The following CPNE5 variants were observed in gnomAD, a reference collection of about 807,000 sequenced individuals.
The protein encoded by CPNE5 is copine 5.
Under a neutral mutation model 81.1 loss-of-function variants are expected in CPNE5, and 42 were observed. The ratio of observed to expected loss-of-function variants is 0.52; its 90% confidence interval spans 0.40 to 0.67. The LOEUF (loss-of-function observed/expected upper bound fraction) is 0.67. Ranked by LOEUF, CPNE5 falls within the 30% of genes least tolerant of loss-of-function variation. The probability of loss-of-function intolerance (pLI) is 0.00; values close to 1 mark genes in which losing one functional copy is unlikely to be tolerated. For missense variants in CPNE5, 612 were observed against 815.5 expected (o/e 0.75, Z 3.04); for synonymous variants, 313 against 321.5 (o/e 0.97, Z 0.28).
In CPNE5 at chr6:36,748,245, C is replaced by T; in HGVS notation, c.994G>A (p.Ala332Thr). 1.2e-6 allele frequency: 2 copies of T among 1,614,156 alleles called. No individual in the cohort carries two copies. The highest frequency in any genetic ancestry group is 1.7e-6 in the Non-Finnish European group (2 of 1,180,010). ...KGGTQINFTV[A>T]IDFTASNGNP... ...CCATTGGAGGCAGTGAAATCAATGG[C>T]CACAGTGAAGTTGATCTGGGTCCTA... is the stretch of plus-strand genomic sequence containing the variant. The change falls in exon 15 of 21, where the codon GCC (alanine) becomes ACC (threonine). Residue 332 changes from alanine to threonine, a missense_variant. Physicochemically the swap from Ala to Thr is moderately conservative, Grantham distance 58. Coordinates refer to ENST00000244751, the MANE Select transcript of CPNE5 (RefSeq NM_020939.2).
chr6:36,746,628 C>T lies in CPNE5; in HGVS notation c.1019-51G>A. 4 of 1,545,794 alleles carry T rather than the reference C, an allele frequency of 2.6e-6. No homozygotes were observed. Among genetic ancestry groups the T allele is most frequent in the Non-Finnish European group, 3.5e-6 (4 of 1,147,680 alleles). On this transcript the variant is annotated intron_variant, in intron 15 of 20. Coordinates refer to ENST00000244751, the MANE Select transcript of CPNE5 (RefSeq NM_020939.2). The surrounding 1 kb of genome is among the most constrained non-coding windows in gnomAD (Gnocchi z 4.5). ...TGACCATCTGGACCCTCCAAGTCACCCCGGGTTCAGAATGAAGAAGGGGGT... is the reference window on the plus strand; with the variant it reads ...TGACCATCTGGACCCTCCAAGTCACTCCGGGTTCAGAATGAAGAAGGGGGT...
In CPNE5 at chr6:36,778,853, C is replaced by A; in HGVS notation, c.632+1G>T. ...TGCACAAGTGTCCCCAGAAAACTCA[C>A]GTTCCATCCTCGTTGCTTCTGTAGA... On this transcript the variant is annotated splice_donor_variant, in intron 9 of 20. Coordinates refer to ENST00000244751, the MANE Select transcript of CPNE5 (RefSeq NM_020939.2). LOFTEE classifies it high-confidence loss of function. 1 of 1,588,730 alleles carries A rather than the reference C, an allele frequency of 6.3e-7. No homozygotes were observed. The highest frequency in any genetic ancestry group is 8.6e-7 in the Non-Finnish European group (1 of 1,158,018).
intron 3 of CPNE5, among the ~76,000 whole-genome samples, chr6:36,817,906 T>G (rs1339536629): frequency 6.6e-6 from 1 of 152,168 alleles, no homozygotes; most frequent in Non-Finnish European, 1.5e-5. Flanking sequence ...AATGGCTCCC[T>G]CCTATTGCTA....
At chr6:36,787,417 T>G (rs1365832112) in intron 8 of CPNE5, among the ~76,000 whole-genome samples, 1 of 152,052 alleles carries the variant, frequency 6.6e-6, no homozygotes, top group Non-Finnish European at 1.5e-5. Flanking sequence ...GGCTGTTCTG[T>G]CTGCTTGGAC....
In CPNE5 at chr6:36,746,878, A is replaced by G. The variant is rs1582694324; in HGVS notation, c.1019-301T>C. Among the ~76,000 whole-genome samples, 2 of 152,000 alleles carry G rather than the reference A, an allele frequency of 1.3e-5. No homozygotes were observed. Among genetic ancestry groups the G allele is most frequent in the African/African-American group, 2.4e-5 (1 of 41,372 alleles). ...ATCCAGCACAGCAGTGACTGAGCCT[A>G]TCCGCCTCAGAGAGATCATGCCTCT... is the stretch of plus-strand genomic sequence containing the variant. On this transcript the variant is annotated intron_variant, in intron 15 of 20. Coordinates refer to ENST00000244751, the MANE Select transcript of CPNE5 (RefSeq NM_020939.2). This position sits in a 1 kb window ranked among gnomAD's most constrained non-coding sequence, Gnocchi z 4.5.
Position 36,794,617 on chromosome 6 carries a change from C to T in CPNE5, c.437G>A (p.Gly146Asp), listed in dbSNP as rs867034171. 1 of 1,613,954 alleles carries T rather than the reference C, an allele frequency of 6.2e-7. No homozygotes were observed. The highest frequency in any genetic ancestry group is 8.5e-7 in the Non-Finnish European group (1 of 1,179,932). Residue 146 changes from glycine (G) to aspartate (D), a missense_variant, in exon 7 of 21, where the codon GGC (glycine) becomes GAC (aspartate). Transcript: ENST00000244751. ...GTTGGACACAGCTGGCATGGGTTTG[C>T]CCGTCCTGGAATTCAGGCTGAATGC... ...IGAFSLNSRT[G>D]KPMPAVSNGG...
chr6:36,811,079 C>CG (rs558762018), intron 3 of CPNE5, among the ~76,000 whole-genome samples: 2 of 152,180 alleles, frequency 1.3e-5, no homozygotes, highest in Non-Finnish European at 1.5e-5. Flanking sequence ...CCCAGCTCCT[C>CG]GGGGAACGGG....
chr6:36,786,268 T>C (rs77271501), intron 8 of CPNE5, among the ~76,000 whole-genome samples: 2,224 of 152,180 alleles, frequency 0.015, 50 homozygotes, highest in African/African-American at 0.05. Flanking sequence ...CGGGATAGGA[T>C]GGCAGAAGCA....
At chr6:36,749,137 T>C (rs1425907909) in intron 14 of CPNE5, among the ~76,000 whole-genome samples, 1 of 151,940 alleles carries the variant, frequency 6.6e-6, no homozygotes, top group Non-Finnish European at 1.5e-5. Context: ...GGTCTCATTA[T>C]ATTGGCCAAC....
Position 36,837,784 on chromosome 6 carries a change from T to C in CPNE5, c.95+1499A>G, listed in dbSNP as rs182892450. 3.4e-4 allele frequency among the ~76,000 whole-genome samples: 51 copies of C among 151,744 alleles called. 1 individual carries two copies. In the South Asian group the frequency reaches 0.01, roughly 31 times the overall value. On this transcript the variant is annotated intron_variant, in intron 1 of 20. Transcript: ENST00000244751. ...TTCAGAGGCTTGGAGGTGGGAAGGA[T>C]CCCAAGACAACTGAAGATGACAGGC... is the stretch of plus-strand genomic sequence containing the variant.
rs1430033956 is a variant in CPNE5 at position 36,810,310 on chromosome 6, T to A, written c.184-10240A>T. On this transcript the variant is annotated intron_variant, in intron 3 of 20. Transcript: ENST00000244751. ...TGGAGCTGACAGACTGCTGTCTACC[T>A]CACAAGCTGCTCACCCTTCCCCAGC... is the stretch of plus-strand genomic sequence containing the variant. 2.0e-5 allele frequency among the ~76,000 whole-genome samples: 3 copies of A among 152,150 alleles called. No individual in the cohort carries two copies. In the East Asian group the frequency reaches 5.8e-4, roughly 29 times the overall value.
chr6:36,770,587 C>T (rs926730379), intron 10 of CPNE5, among the ~76,000 whole-genome samples: 1 of 152,084 alleles, frequency 6.6e-6, no homozygotes, highest in African/African-American at 2.4e-5. Flanking sequence ...CCGCCCTCCT[C>T]TTAGTTCCCT....
intron 1 of CPNE5, among the ~76,000 whole-genome samples, chr6:36,831,214 C>T (rs1772959678): frequency 6.6e-6 from 1 of 151,510 alleles, no homozygotes; most frequent in Non-Finnish European, 1.5e-5. Flanking sequence ...ACCACCACAC[C>T]CGGCTAATTT....
At chr6:36,802,951 G>T (rs1252705020) in intron 3 of CPNE5, among the ~76,000 whole-genome samples, 2 of 152,072 alleles carry the variant, frequency 1.3e-5, no homozygotes, top group East Asian at 3.9e-4. Flanking sequence ...CCAGATATTT[G>T]GGAGGCTGAG....
At chr6:36,753,254 C>A (rs1765044084) in intron 13 of CPNE5, among the ~76,000 whole-genome samples, 159 bp from the exon 14 acceptor site, 1 of 152,214 alleles carries the variant, frequency 6.6e-6, no homozygotes, top group Non-Finnish European at 1.5e-5. Flanking sequence ...CTATTATTAT[C>A]CCCACTTTAT....
chr6:36,830,950 C>T (rs1167037015), intron 1 of CPNE5, among the ~76,000 whole-genome samples: 1 of 152,208 alleles, frequency 6.6e-6, no homozygotes, highest in Non-Finnish European at 1.5e-5. Context: ...CACTTGGAGG[C>T]CTCAGTAGTC....
At chr6:36,748,349 C>A in intron 14 of CPNE5, 82 bp from the exon 15 acceptor site, 2 of 1,250,292 alleles carry the variant, frequency 1.6e-6, no homozygotes, top group East Asian at 2.3e-5. Flanking sequence ...CATTGGCTAC[C>A]ACCCTGGCTC....
At chr6:36,823,210 A>C (rs967935482) in intron 1 of CPNE5, 112 bp from the exon 2 acceptor site, 9 of 804,784 alleles carry the variant, frequency 1.1e-5, no homozygotes, top group Non-Finnish European at 1.5e-5. Context: ...GGCCTCAGGC[A>C]AAACAGTTCC....
Position 36,766,261 on chromosome 6 carries a change from C to G in CPNE5, c.738-885G>C, listed in dbSNP as rs1766554048. 6.6e-6 allele frequency among the ~76,000 whole-genome samples: 1 copy of G among 152,154 alleles called. No individual in the cohort carries two copies. The highest frequency in any genetic ancestry group is 6.5e-5 in the Admixed American group (1 of 15,284). On this transcript the variant is annotated intron_variant, in intron 10 of 20. Coordinates refer to ENST00000244751, the MANE Select transcript of CPNE5 (RefSeq NM_020939.2). This position sits in a 1 kb window ranked among gnomAD's most constrained non-coding sequence, Gnocchi z 4.2. ...TCCCCGGGCCTATCTTTGTTAACAT[C>G]CCATCATCTCGCCCATCTCCTCGGG...
Sources: gnomAD v4.1 joint callset for allele counts (sites outside exome capture counted in the v4.1 genomes callset) on GRCh38, gnomAD v4.1.1 for gene constraint, Gnocchi (gnomAD v3.1) non-coding constraint, MANE v1.5 for transcripts, NCBI Gene and HGNC (gene_info 2026-07-23, HGNC 2026-07-21) for gene names.